MTSS1: variants seen among roughly 807,000 people sequenced by gnomAD.
MTSS1 encodes the protein protein MTSS 1.
Under a neutral mutation model 79.0 loss-of-function variants are expected in MTSS1, and 18 were observed. The observed-to-expected ratio is 0.23, with a 90% CI of 0.16 to 0.34. The LOEUF (loss-of-function observed/expected upper bound fraction) is 0.34, where lower values mean the gene tolerates loss of function less well. Among genes scored for constraint, MTSS1 ranks in the 10% least tolerant of loss-of-function variants. The pLI is 1.00. For synonymous variants in MTSS1, 341 were observed against 368.6 expected (o/e 0.93, Z 0.86); for missense variants, 815 against 986.2 (o/e 0.83, Z 2.33).
At chr8:124,630,977 T>C (rs1815814023) in intron 3 of MTSS1, among the ~76,000 whole-genome samples, 1 of 152,182 alleles carries the variant, frequency 6.6e-6, no homozygotes, top group Non-Finnish European at 1.5e-5. Flanking sequence ...TACACATGTA[T>C]TTAAGGCAGC....
intron 3 of MTSS1, chr8:124,619,476 G>A (rs1813033590): frequency 6.6e-6 from 1 of 152,376 alleles, no homozygotes; most frequent in South Asian, 2.1e-4. Context: ...CCTCTGCCAA[G>A]ACTAAGCTTC....
At chr8:124,590,075 T>C (rs1831579726) in intron 4 of MTSS1, among the ~76,000 whole-genome samples, 1 of 152,334 alleles carries the variant, frequency 6.6e-6, no homozygotes, top group Non-Finnish European at 1.5e-5. Context: ...CAGGATGGTC[T>C]TGATCTCCTG....
Position 124,553,341 on chromosome 8 carries a change from C to T in MTSS1, c.1919G>A (p.Arg640Gln), listed in dbSNP as rs769507238. ...TGGCGACTCAGGGCTGTGCTCCCCC[C>T]GCTCTTCTGGCCCATCTGGAGGGGC... ...LPAPPDGPEE[R>Q]GEHSPESPSV... is the part of the protein sequence containing the mutation. Residue 640 changes from arginine to glutamine, a missense_variant, in exon 14 of 14, where the codon CGG becomes CAG. By Grantham distance (43) the Arg-to-Gln change is conservative. Coordinates refer to ENST00000518547, the MANE Select transcript of MTSS1 (RefSeq NM_014751.6). The surrounding 1 kb of genome is among the most constrained non-coding windows in gnomAD (Gnocchi z 6.0). 1.7e-5 allele frequency: 27 copies of T among 1,613,474 alleles called. No individual in the cohort carries two copies. Among genetic ancestry groups the T allele is most frequent in the East Asian group, 4.5e-5 (2 of 44,882 alleles).
At chr8:124,701,734 C>T (rs1829733555) in intron 2 of MTSS1, among the ~76,000 whole-genome samples, 1 of 152,194 alleles carries the variant, frequency 6.6e-6, no homozygotes, top group African/African-American at 2.4e-5. Flanking sequence ...TTTTAAATGG[C>T]AGTCATATTT....
chr8:124,717,677 C>T (rs1564051826), intron 1 of MTSS1, among the ~76,000 whole-genome samples: 1 of 152,154 alleles, frequency 6.6e-6, no homozygotes, highest in Non-Finnish European at 1.5e-5. Flanking sequence ...GTCTGGGGGA[C>T]AGAGCAAGAC....
At chr8:124,726,520 C>A (rs934382715) in intron 1 of MTSS1, among the ~76,000 whole-genome samples, 1 of 152,110 alleles carries the variant, frequency 6.6e-6, no homozygotes, top group Non-Finnish European at 1.5e-5. Flanking sequence ...ACAAAAGGCA[C>A]GAGAGCTGTA....
intron 3 of MTSS1, among the ~76,000 whole-genome samples, chr8:124,615,883 C>A (rs966517686): frequency 1.6e-4 from 25 of 152,320 alleles, no homozygotes; most frequent in African/African-American, 6.0e-4. Context: ...TTCAGGATCA[C>A]AGGAGGAAGG....
intron 3 of MTSS1, among the ~76,000 whole-genome samples, chr8:124,681,846 G>A (rs1283969309): frequency 6.6e-6 from 1 of 152,158 alleles, no homozygotes; most frequent in Non-Finnish European, 1.5e-5. Context: ...ATAATTGATA[G>A]GAAGCCCAGA....
At chr8:124,656,795 A>AG (rs1314462802) in intron 3 of MTSS1, among the ~76,000 whole-genome samples, 3 of 150,938 alleles carry the variant, frequency 2.0e-5, no homozygotes, top group South Asian at 4.2e-4. Context: ...AAAAAAAAAA[A>AG]AAAAGAAAAA....
At chr8:124,638,624 C>A (rs1256366792) in intron 3 of MTSS1, among the ~76,000 whole-genome samples, 1 of 152,178 alleles carries the variant, frequency 6.6e-6, no homozygotes, top group African/African-American at 2.4e-5. Context: ...CTACTCAGTT[C>A]TCCCCGGAGA....
intron 3 of MTSS1, among the ~76,000 whole-genome samples, chr8:124,696,125 T>G (rs1828777110): frequency 2.0e-5 from 3 of 151,940 alleles, no homozygotes; most frequent in African/African-American, 7.3e-5. Context: ...GTAGCTGGGA[T>G]TACAGGTGCC....
chr8:124,641,319 C>T (rs978939672), intron 3 of MTSS1, among the ~76,000 whole-genome samples: 33 of 152,212 alleles, frequency 2.2e-4, no homozygotes, highest in African/African-American at 7.5e-4. Flanking sequence ...GTGAACATTC[C>T]TATCAGAAAA....
chr8:124,690,787 C>T (rs1325752021), intron 3 of MTSS1, among the ~76,000 whole-genome samples: 3 of 152,102 alleles, frequency 2.0e-5, no homozygotes, highest in African/African-American at 2.4e-5. Context: ...CGTACTTGCC[C>T]GTCAAAATAA....
chr8:124,669,946 A>G (rs1823812648), intron 3 of MTSS1, among the ~76,000 whole-genome samples: 1 of 152,214 alleles, frequency 6.6e-6, no homozygotes, highest in Non-Finnish European at 1.5e-5. Context: ...TCATTCATGT[A>G]AACTTCTTAT....
chr8:124,705,323 T>C (rs968443941), intron 1 of MTSS1, among the ~76,000 whole-genome samples: 15 of 151,940 alleles, frequency 9.9e-5, no homozygotes, highest in African/African-American at 2.9e-4. Flanking sequence ...ATACAAAAAT[T>C]AGCCAGGCAT....
At chr8:124,593,240 G>A (rs939472157) in intron 3 of MTSS1, among the ~76,000 whole-genome samples, 1 of 152,136 alleles carries the variant, frequency 6.6e-6, no homozygotes, top group African/African-American at 2.4e-5. Context: ...ATTTCTTTCT[G>A]GGCCTTCGTT....
intron 3 of MTSS1, among the ~76,000 whole-genome samples, chr8:124,611,389 G>A (rs774648808): frequency 5.3e-5 from 8 of 152,098 alleles, no homozygotes; most frequent in African/African-American, 1.4e-4. Flanking sequence ...AAGGAGCGGC[G>A]TGACCTGTGG....
At chr8:124,707,875 CAA>C (rs1830623764) in intron 1 of MTSS1, among the ~76,000 whole-genome samples, 2 of 152,066 alleles carry the variant, frequency 1.3e-5, no homozygotes, top group Admixed American at 1.3e-4. Flanking sequence ...GACCCTGTCT[CAA>C]AGAAACAAAG....
chr8:124,576,400 G>C (rs941451599), intron 6 of MTSS1, among the ~76,000 whole-genome samples: 1 of 152,098 alleles, frequency 6.6e-6, no homozygotes, highest in African/African-American at 2.4e-5. Context: ...TAGCTTGTGG[G>C]GTCTACACTA....
Sources: allele counts gnomAD v4.1 joint callset (sites outside exome capture counted in the v4.1 genomes callset), GRCh38; gene constraint gnomAD v4.1.1; non-coding constraint Gnocchi (gnomAD v3.1); transcripts MANE v1.5; gene names NCBI Gene and HGNC (gene_info 2026-07-23, HGNC 2026-07-21).